The following MBOAT7 variants were observed in gnomAD, a reference collection of about 807,000 sequenced individuals.
MBOAT7 encodes the protein membrane bound acylglycerophosphatidylinositol O-acyltransferase MBOAT7.
A neutral mutation model predicts 47.4 loss-of-function variants in MBOAT7; 40 were observed. The observed-to-expected ratio is 0.84, with a 90% CI of 0.66 to 1.10. The LOEUF is 1.10. MBOAT7 is among the 50% of genes least tolerant of loss of function. MBOAT7 has a pLI of 0.00. For missense variants in MBOAT7, 680 were observed against 655.6 expected (o/e 1.04, Z -0.41); for synonymous variants, 361 against 292.0 (o/e 1.24, Z -2.41).
intron 7 of MBOAT7, among the ~76,000 whole-genome samples, chr19:54,175,011 T>A (rs927601879): frequency 6.8e-6 from 1 of 146,348 alleles, no homozygotes; most frequent in Non-Finnish European, 1.5e-5. Flanking sequence ...AGTCTCGCTC[T>A]GTCGCCCAGG....
intron 6 of MBOAT7, 107 bp from the exon 7 acceptor site, chr19:54,179,048 C>G: frequency 6.9e-7 from 1 of 1,443,688 alleles, no homozygotes; most frequent in Admixed American, 2.1e-5. Flanking sequence ...GGATCCTGGC[C>G]AGGCAATGGC....
intron 6 of MBOAT7, chr19:54,179,234 A>C: frequency 1.9e-6 from 1 of 518,602 alleles, no homozygotes. Flanking sequence ...ATGGTTGCTA[A>C]GCTATGAGTC....
intron 7 of MBOAT7, among the ~76,000 whole-genome samples, chr19:54,175,228 T>C (rs1255279449): frequency 6.6e-6 from 1 of 152,194 alleles, no homozygotes. Flanking sequence ...TCTGCCCGCC[T>C]TGGCCTCCCA....
chr19:54,176,190 T>C (rs950169831), intron 7 of MBOAT7, among the ~76,000 whole-genome samples: 1 of 152,180 alleles, frequency 6.6e-6, no homozygotes, highest in African/African-American at 2.4e-5. Flanking sequence ...AGTCTTGCTA[T>C]GTTGACCTGG....
intron 7 of MBOAT7, chr19:54,178,383 A>G: frequency 1.7e-6 from 2 of 1,155,856 alleles, no homozygotes; most frequent in Non-Finnish European, 2.1e-6. Flanking sequence ...CTATCTACCT[A>G]TGAAACCAGT....
intron 4 of MBOAT7, among the ~76,000 whole-genome samples, chr19:54,185,404 C>T (rs1372888284): frequency 6.6e-6 from 1 of 152,048 alleles, no homozygotes; most frequent in Non-Finnish European, 1.5e-5. Context: ...TGACCCATTT[C>T]CCCTGGGCCT....
At chr19:54,178,297 AAATG>A (rs2076167473) in intron 7 of MBOAT7, 1 of 1,006,678 alleles carries the variant, frequency 9.9e-7, no homozygotes, top group African/African-American at 1.7e-5. Flanking sequence ...AAAACAATAA[AAATG>A]AATACACAGC....
intron 3 of MBOAT7, among the ~76,000 whole-genome samples, 148 bp downstream of exon 3, chr19:54,188,042 AAAGAAAGAAAGAAAGAAAGAAAGAAAG>A (rs2076493168): frequency 1.8e-5 from 1 of 56,654 alleles, no homozygotes; most frequent in Non-Finnish European, 4.6e-5. Flanking sequence ...AGAAAGAAAG[AAAGAAAGAAAGAAAGAAAGAAAGAAAG>A]ACAAACAAAC....
intron 4 of MBOAT7, among the ~76,000 whole-genome samples, chr19:54,184,881 G>A (rs565788001): frequency 2.8e-5 from 4 of 142,558 alleles, no homozygotes; most frequent in East Asian, 4.3e-4. Context: ...TCCAGCCTGG[G>A]CAACAGGAGT....
intron 7 of MBOAT7, among the ~76,000 whole-genome samples, 187 bp from the exon 8 acceptor site, chr19:54,174,618 C>G (rs1196239185): frequency 1.3e-5 from 2 of 151,588 alleles, no homozygotes; most frequent in Non-Finnish European, 2.9e-5. Flanking sequence ...GAGATCAGGC[C>G]CCAGTCCCTC....
At position 54,180,638 on chromosome 19, in the gene MBOAT7, G is replaced by A. The variant is rs530016994; in HGVS notation, c.854+135C>T. On this transcript the variant is annotated intron_variant, in intron 6 of 7. Coordinates refer to ENST00000245615, the MANE Select transcript of MBOAT7 (RefSeq NM_024298.5). The surrounding 1 kb of genome is among the most constrained non-coding windows in gnomAD (Gnocchi z 5.2). ...CAGGGGCTGGCAGGCCATGGTTGCCGAGGGGGCGACACTCTGCTCAAAAAG... is the reference window on the plus strand; with the variant it reads ...CAGGGGCTGGCAGGCCATGGTTGCCAAGGGGGCGACACTCTGCTCAAAAAG... 4.9e-5 allele frequency: 40 copies of A among 815,384 alleles called. No homozygotes were observed. The South Asian group carries it at 6.1e-4, about 12-fold the overall frequency. The allele number at this position is 815,384 out of a possible 1,614,324, so 50.5% of individuals were successfully genotyped here. A position where few individuals can be genotyped will look rare whatever the true frequency, so the allele number is the denominator to read the frequency against.
intron 2 of MBOAT7, 24 bp from the exon 3 acceptor site, chr19:54,188,370 A>C (rs766680872): frequency 1.9e-6 from 3 of 1,609,738 alleles, no homozygotes; most frequent in Non-Finnish European, 8.5e-7. Flanking sequence ...GGACAGCATA[A>C]GCCTGGAACC....
intron 5 of MBOAT7, among the ~76,000 whole-genome samples, chr19:54,183,154 C>T (rs1229978753): frequency 2.0e-5 from 3 of 152,208 alleles, no homozygotes; most frequent in Admixed American, 6.5e-5. Context: ...GCATAAGCCC[C>T]CACGCCCAGA....
At chr19:54,186,110 T>C (rs530823786) in intron 4 of MBOAT7, among the ~76,000 whole-genome samples, 72 of 151,970 alleles carry the variant, frequency 4.7e-4, no homozygotes, top group African/African-American at 1.7e-3. Context: ...GCCTCCTGGG[T>C]TCAAGCAATT....
At chr19:54,178,169 C>G (rs956947180) in intron 7 of MBOAT7, 1 of 947,314 alleles carries the variant, frequency 1.1e-6, no homozygotes, top group Non-Finnish European at 1.3e-6. Flanking sequence ...TTGGGCCTCC[C>G]AAAGTGCTGG....
chr19:54,177,275 TTTTG>T (rs920312359), intron 7 of MBOAT7, among the ~76,000 whole-genome samples: 10 of 152,030 alleles, frequency 6.6e-5, no homozygotes, highest in African/African-American at 1.7e-4. Flanking sequence ...TAATAATTAT[TTTTG>T]TTTGTTTTTT....
intron 7 of MBOAT7, chr19:54,178,461 T>G (rs1343743436): frequency 7.6e-7 from 1 of 1,321,736 alleles, no homozygotes; most frequent in African/African-American, 1.5e-5. Flanking sequence ...TCAAGGTTTC[T>G]CCATAACCTG....
chr19:54,180,784 T>C lies in MBOAT7; in HGVS notation c.843A>G (p.Pro281=), dbSNP rs1600650924. The change falls in exon 6 of 8, where the codon CCA becomes CCG. Residue 281 remains proline, a synonymous_variant. Transcript: ENST00000245615. This position sits in a 1 kb window ranked among gnomAD's most constrained non-coding sequence, Gnocchi z 5.2. Reference sequence around the variant, plus strand: ...TCGCGCCGCCTGACCTGCTGGGGGGTGGGCATTGGAGGGTGGGGCCGCCTC... The same window carrying C: ...TCGCGCCGCCTGACCTGCTGGGGGGCGGGCATTGGAGGGTGGGGCCGCCTC... The part of the protein sequence containing the change: ...RAGGGPTLQC[P]PPSSPEKAAS... 6.6e-6 allele frequency: 9 copies of C among 1,366,916 alleles called. No homozygotes were observed. The highest frequency in any genetic ancestry group is 7.9e-6 in the Non-Finnish European group (8 of 1,018,366). The allele number at this position is 1,366,916 out of a possible 1,614,324, so 84.7% of individuals were successfully genotyped here.
Position 54,183,687 on chromosome 19 carries a change from A to G in MBOAT7, c.334-7T>C. ...CACTGGCCAGGCTCACCAGCTGGGC[A>G]GAAGGGGGTGGGCAAGGGGCCAGGT... is the stretch of plus-strand genomic sequence containing the variant. On this transcript the variant is annotated splice_region_variant and splice_polypyrimidine_tract_variant and intron_variant, in intron 4 of 7. Transcript: ENST00000245615. 1.9e-6 allele frequency: 3 copies of G among 1,545,164 alleles called. No individual in the cohort carries two copies. The highest frequency in any genetic ancestry group is 2.6e-6 in the Non-Finnish European group (3 of 1,146,532).
Sources: allele counts gnomAD v4.1 joint callset (sites outside exome capture counted in the v4.1 genomes callset), GRCh38; gene constraint gnomAD v4.1.1; non-coding constraint Gnocchi (gnomAD v3.1); transcripts MANE v1.5; gene names NCBI Gene and HGNC (gene_info 2026-07-23, HGNC 2026-07-21).